The following PALM2AKAP2 variants were observed in gnomAD, a reference collection of about 807,000 sequenced individuals.
The protein encoded by PALM2AKAP2 is PALM2-AKAP2 fusion protein.
In PALM2AKAP2, 37 loss-of-function variants were observed where a neutral mutation model predicts 71.5. That is an observed-to-expected ratio of 0.52 (90% CI 0.40 to 0.68). The LOEUF is 0.68. Among genes scored for constraint, PALM2AKAP2 ranks in the 30% least tolerant of loss-of-function variants. The probability of loss-of-function intolerance (pLI) is 0.00; values close to 1 mark genes in which losing one functional copy is unlikely to be tolerated. For missense variants in PALM2AKAP2, 1,224 were observed against 1,191.8 expected (o/e 1.03, Z -0.40); for synonymous variants, 468 against 478.8 (o/e 0.98, Z 0.29).
At chr9:110,080,345 G>T (rs1315243042) in intron 1 of PALM2AKAP2, among the ~76,000 whole-genome samples, 1 of 152,128 alleles carries the variant, frequency 6.6e-6, no homozygotes, top group Non-Finnish European at 1.5e-5. Flanking sequence ...ATTTGCCTAA[G>T]AGAAAGAGAA....
At position 110,157,138 on chromosome 9, in the gene PALM2AKAP2, C is replaced by T. The variant is rs965174810; in HGVS notation, c.2748+641C>T. ...TCACATGCTCTGTGGTTTCTTTCTC[C>T]GGTTAGAGACATAGGAACTGTTGCT... On this transcript the variant is annotated intron_variant, in intron 3 of 3. Coordinates refer to ENST00000374525, the Ensembl canonical transcript of PALM2AKAP2. Among the ~76,000 whole-genome samples the T allele has an allele frequency of 2.0e-5, 3 of 152,084 alleles. 1 individual carries two copies. Among genetic ancestry groups the T allele is most frequent in the East Asian group, 3.9e-4 (2 of 5,188 alleles).
chr9:109,911,832 T>C (rs769139187), intron 3 of PALM2AKAP2, among the ~76,000 whole-genome samples: 1 of 141,986 alleles, frequency 7.0e-6, no homozygotes, highest in Non-Finnish European at 1.5e-5. Flanking sequence ...TATCTCTTAA[T>C]AAGCCTGCAC....
exon 4 of PALM2AKAP2, chr9:110,169,924 T>C (rs1836817491): frequency 6.6e-6 from 1 of 152,598 alleles, no homozygotes; most frequent in Non-Finnish European, 1.5e-5. Flanking sequence ...AATTTCTTTT[T>C]TATGAAAAGG....
intron 1 of PALM2AKAP2, among the ~76,000 whole-genome samples, chr9:110,116,692 G>C (rs1835370559): frequency 6.6e-6 from 1 of 152,186 alleles, no homozygotes; most frequent in African/African-American, 2.4e-5. Context: ...AACTTTTCTG[G>C]GAACAGGCAG....
At chr9:109,835,699 A>G (rs1202207887) in intron 1 of PALM2AKAP2, among the ~76,000 whole-genome samples, 1 of 152,112 alleles carries the variant, frequency 6.6e-6, no homozygotes, top group Non-Finnish European at 1.5e-5. Context: ...CGCTTTTCCA[A>G]TGGTCTTAGC....
At chr9:109,970,532 A>G (rs535723556) in intron 6 of PALM2AKAP2, among the ~76,000 whole-genome samples, 1 of 152,338 alleles carries the variant, frequency 6.6e-6, no homozygotes, top group African/African-American at 2.4e-5. Flanking sequence ...TAGTGAGCCA[A>G]GAAACTAAAA....
In PALM2AKAP2 at chr9:109,856,235, T is replaced by C. The variant is rs144059066; in HGVS notation, c.46-11256T>C. 8.9e-3 allele frequency among the ~76,000 whole-genome samples: 1,363 copies of C among 152,316 alleles called. 13 individuals are homozygous for C. The highest frequency in any genetic ancestry group is 0.014 in the Non-Finnish European group (985 of 68,028). On this transcript the variant is annotated intron_variant, in intron 1 of 9. Coordinates refer to the PALM2AKAP2 transcript ENST00000302798. ...CACAAAAGTACGTCTAAGATGAACA[T>C]AGAGGAAGATTCATTGCAGTCCCGT...
intron 1 of PALM2AKAP2, among the ~76,000 whole-genome samples, chr9:109,745,262 G>A (rs927186821): frequency 3.9e-5 from 6 of 152,138 alleles, no homozygotes; most frequent in African/African-American, 1.4e-4. Context: ...TGAGGCAGGA[G>A]AATTGCTTGA....
chr9:110,062,812 G>T (rs914517901), intron 1 of PALM2AKAP2, among the ~76,000 whole-genome samples: 3 of 152,206 alleles, frequency 2.0e-5, no homozygotes, highest in African/African-American at 7.2e-5. Flanking sequence ...TTTAGCCAAA[G>T]GGAAAAGTCA....
intron 3 of PALM2AKAP2, among the ~76,000 whole-genome samples, chr9:109,894,788 G>A (rs769784042): frequency 6.6e-6 from 1 of 151,922 alleles, no homozygotes; most frequent in Non-Finnish European, 1.5e-5. Flanking sequence ...TTTTCCTATA[G>A]TTTTTTTAAG....
intron 1 of PALM2AKAP2, chr9:110,048,865 C>A: frequency 6.7e-7 from 1 of 1,487,626 alleles, no homozygotes; most frequent in Non-Finnish European, 8.9e-7. Flanking sequence ...GGTGGGTGTC[C>A]AAGCTGGGGA....
Position 109,733,122 on chromosome 9 carries a change from G to A in PALM2AKAP2, c.6-47366G>A, listed in dbSNP as rs543321031. Among the ~76,000 whole-genome samples the A allele has an allele frequency of 7.2e-5, 11 of 152,234 alleles. 1 individual carries two copies. In the South Asian group the frequency reaches 1.7e-3, roughly 23 times the overall value. ...GATTCCATTAATGTATATAAGAAAA[G>A]GGCAGGGATTTAGAGGCCTAGAAGG... On this transcript the variant is annotated intron_variant, in intron 1 of 6. Coordinates refer to the PALM2AKAP2 transcript ENST00000374531.
At chr9:109,742,596 C>T (rs1587890708) in intron 1 of PALM2AKAP2, among the ~76,000 whole-genome samples, 1 of 152,208 alleles carries the variant, frequency 6.6e-6, no homozygotes, top group South Asian at 2.1e-4. Context: ...CCCACACATA[C>T]TATGACCATT....
At chr9:109,976,409 G>A (rs1438649947) in intron 6 of PALM2AKAP2, among the ~76,000 whole-genome samples, 1 of 152,222 alleles carries the variant, frequency 6.6e-6, no homozygotes, top group African/African-American at 2.4e-5. Flanking sequence ...TAGAGTCAGG[G>A]TTCATATGAA....
chr9:110,168,490 A>C, exon 4 of PALM2AKAP2: 5 of 1,614,128 alleles, frequency 3.1e-6, no homozygotes, highest in Non-Finnish European at 4.2e-6. Flanking sequence ...GAAGAAGACA[A>C]CGAATAAACT....
intron 1 of PALM2AKAP2, among the ~76,000 whole-genome samples, chr9:109,681,780 C>A (rs1030631818): frequency 1.3e-5 from 2 of 152,108 alleles, no homozygotes; most frequent in African/African-American, 4.8e-5. Flanking sequence ...ATATCTCATT[C>A]CAAATCACTG....
At chr9:110,157,709 C>T (rs1332139559) in intron 3 of PALM2AKAP2, among the ~76,000 whole-genome samples, 2 of 152,152 alleles carry the variant, frequency 1.3e-5, no homozygotes, top group African/African-American at 4.8e-5. Flanking sequence ...CTGCCTTTCA[C>T]TCTTGAAAGT....
intron 6 of PALM2AKAP2, among the ~76,000 whole-genome samples, chr9:109,977,994 G>A (rs1832200740): frequency 6.6e-6 from 1 of 152,192 alleles, no homozygotes; most frequent in African/African-American, 2.4e-5. Context: ...GATGGAGTGG[G>A]ACAGGGCTTG....
intron 6 of PALM2AKAP2, among the ~76,000 whole-genome samples, chr9:109,999,988 A>T (rs936503754): frequency 3.3e-5 from 5 of 149,472 alleles, no homozygotes; most frequent in African/African-American, 9.9e-5. Flanking sequence ...TATTGAATGG[A>T]CCATTCCATT....
Sources: gnomAD v4.1 joint callset for allele counts (sites outside exome capture counted in the v4.1 genomes callset) on GRCh38, gnomAD v4.1.1 for gene constraint, MANE v1.5 for transcripts, NCBI Gene and HGNC (gene_info 2026-07-23, HGNC 2026-07-21) for gene names.